Variants in VAV3 observed in about 807,000 individuals in gnomAD.
VAV3 encodes the protein vav guanine nucleotide exchange factor 3.
VAV3 carries 94 observed loss-of-function variants against 131.2 expected under a neutral mutation model. The observed-to-expected ratio is 0.72, with a 90% CI of 0.61 to 0.85. The LOEUF (loss-of-function observed/expected upper bound fraction) is 0.85. VAV3 is among the 40% of genes least tolerant of loss of function. VAV3 has a pLI of 0.00. For synonymous variants in VAV3, 349 were observed against 342.0 expected (o/e 1.02, Z -0.22); for missense variants, 939 against 1,002.7 (o/e 0.94, Z 0.86).
chr1:107,618,111 C>T (rs189638420), intron 20 of VAV3, among the ~76,000 whole-genome samples: 4 of 152,126 alleles, frequency 2.6e-5, no homozygotes, highest in South Asian at 2.1e-4. Context: ...AATCTAATGC[C>T]GCCACTGATT....
At chr1:107,705,653 A>G (rs1488031974) in intron 15 of VAV3, among the ~76,000 whole-genome samples, 2 of 152,212 alleles carry the variant, frequency 1.3e-5, no homozygotes, top group Non-Finnish European at 2.9e-5. Flanking sequence ...TTTATATTAT[A>G]CATACAAAAG....
At chr1:107,586,651 G>A (rs963151897) in intron 25 of VAV3, among the ~76,000 whole-genome samples, 2 of 152,032 alleles carry the variant, frequency 1.3e-5, no homozygotes, top group Non-Finnish European at 2.9e-5. Context: ...TTTACATGAT[G>A]AGGAATTGAT....
At chr1:107,656,363 T>G (rs1656553456) in intron 19 of VAV3, among the ~76,000 whole-genome samples, 1 of 152,116 alleles carries the variant, frequency 6.6e-6, no homozygotes, top group Non-Finnish European at 1.5e-5. Flanking sequence ...AAGCCAAGCA[T>G]AGAAAGACAA....
At chr1:107,954,727 C>A (rs894605969) in intron 1 of VAV3, among the ~76,000 whole-genome samples, 2 of 149,164 alleles carry the variant, frequency 1.3e-5, no homozygotes, top group African/African-American at 5.1e-5. Flanking sequence ...AATCAGAACA[C>A]TCCTCCAAGG....
At chr1:107,714,606 T>C (rs1660982358) in intron 15 of VAV3, among the ~76,000 whole-genome samples, 4 of 152,118 alleles carry the variant, frequency 2.6e-5, no homozygotes, top group Admixed American at 2.0e-4. Flanking sequence ...TCATACAATC[T>C]TTTAATCCTT....
intron 1 of VAV3, among the ~76,000 whole-genome samples, chr1:107,936,814 T>C (rs192481765): frequency 7.9e-5 from 12 of 152,348 alleles, no homozygotes; most frequent in Admixed American, 6.5e-5. Flanking sequence ...TTGGAATTTA[T>C]GCACTTATGC....
At chr1:107,879,537 CACA>C (rs1357392408) in intron 1 of VAV3, among the ~76,000 whole-genome samples, 2 of 151,798 alleles carry the variant, frequency 1.3e-5, no homozygotes, top group African/African-American at 2.4e-5. Flanking sequence ...GGTGTTTTGG[CACA>C]ACATTACTTG....
chr1:107,745,985 T>C (rs990734741), intron 15 of VAV3, among the ~76,000 whole-genome samples: 6 of 152,212 alleles, frequency 3.9e-5, no homozygotes, highest in Non-Finnish European at 8.8e-5. Context: ...CTTGCTGTTC[T>C]TCATGCATTG....
At chr1:107,656,657 C>A (rs562264734) in intron 19 of VAV3, among the ~76,000 whole-genome samples, 3 of 151,942 alleles carry the variant, frequency 2.0e-5, no homozygotes, top group African/African-American at 7.3e-5. Flanking sequence ...GGTAGATATC[C>A]CAATGAACCC....
intron 2 of VAV3, among the ~76,000 whole-genome samples, chr1:107,845,454 C>G (rs192079189): frequency 5.9e-5 from 9 of 152,120 alleles, no homozygotes; most frequent in Admixed American, 3.3e-4. Context: ...ATGAGTTTGA[C>G]GAATTGACAG....
chr1:107,784,192 C>G (rs1665859744), intron 2 of VAV3, among the ~76,000 whole-genome samples: 1 of 152,102 alleles, frequency 6.6e-6, no homozygotes, highest in Non-Finnish European at 1.5e-5. Context: ...AGCTAAAAAT[C>G]TGGTATGACT....
chr1:107,676,756 G>A (rs1186130477), intron 19 of VAV3, among the ~76,000 whole-genome samples: 1 of 152,102 alleles, frequency 6.6e-6, no homozygotes, highest in East Asian at 1.9e-4. Context: ...CTTTACTGAT[G>A]TCTGTTTTAG....
At chr1:107,927,413 A>G (rs1673206389) in intron 1 of VAV3, among the ~76,000 whole-genome samples, 1 of 152,072 alleles carries the variant, frequency 6.6e-6, no homozygotes, top group Non-Finnish European at 1.5e-5. Context: ...TTGAAAAAAG[A>G]AGAGGAAATA....
intron 18 of VAV3, among the ~76,000 whole-genome samples, chr1:107,684,931 A>C (rs1194600819): frequency 6.6e-6 from 1 of 152,218 alleles, no homozygotes; most frequent in Admixed American, 6.5e-5. Flanking sequence ...AATTGACAGT[A>C]TTTTCAACAG....
At position 107,773,447 on chromosome 1, in the gene VAV3, C is replaced by G. The variant is rs1018399977; in HGVS notation, c.447-604G>C. ...TGCAGTGTTATAATCAGCATCTAAT[C>G]CAGTGGTTTTCAACCCATGCTCTTT... On this transcript the variant is annotated intron_variant, in intron 4 of 26. Transcript: ENST00000370056. 5.9e-5 allele frequency among the ~76,000 whole-genome samples: 9 copies of G among 152,308 alleles called. No individual in the cohort carries two copies. The South Asian group carries it at 1.0e-3, about 18-fold the overall frequency.
chr1:107,805,196 CCT>C (rs1410267434), intron 2 of VAV3, among the ~76,000 whole-genome samples: 2 of 152,094 alleles, frequency 1.3e-5, no homozygotes, highest in African/African-American at 4.8e-5. Context: ...CCTAAATTTA[CCT>C]CTTTCTCAAG....
intron 1 of VAV3, among the ~76,000 whole-genome samples, chr1:107,906,605 G>T (rs1672120128): frequency 6.6e-6 from 1 of 152,112 alleles, no homozygotes; most frequent in African/African-American, 2.4e-5. Flanking sequence ...GGCAGAGCTT[G>T]CAGTGAGCCA....
intron 2 of VAV3, among the ~76,000 whole-genome samples, chr1:107,833,928 TCA>T (rs1453507589): frequency 1.3e-5 from 2 of 152,356 alleles, no homozygotes; most frequent in South Asian, 2.1e-4. Flanking sequence ...GCAATTTTGT[TCA>T]CAGTGTCCAC....
rs145893056 is a variant in VAV3, at chr1:107,575,672, C to T, written c.2351-1474G>A. Among the ~76,000 whole-genome samples the T allele has an allele frequency of 3.4e-3, 513 of 152,252 alleles. 2 individuals carry two copies. The highest frequency in any genetic ancestry group is 5.4e-3 in the Non-Finnish European group (364 of 68,004). On this transcript the variant is annotated intron_variant, in intron 25 of 26. Transcript: ENST00000370056. ...AACCCAATCATCAACTGTGTGGTGA[C>T]CTTGCATAGGTCTCCTAACCCCTCA...
Sources: gnomAD v4.1 joint callset for allele counts (sites outside exome capture counted in the v4.1 genomes callset) on GRCh38, gnomAD v4.1.1 for gene constraint, MANE v1.5 for transcripts, NCBI Gene and HGNC (gene_info 2026-07-23, HGNC 2026-07-21) for gene names.